The following KCTD17 variants were observed in gnomAD, a reference collection of about 807,000 sequenced individuals.
The protein encoded by KCTD17 is BTB/POZ domain-containing protein KCTD17.
Under a neutral mutation model 41.5 loss-of-function variants are expected in KCTD17, and 20 were observed. The ratio of observed to expected loss-of-function variants is 0.48; its 90% CI spans 0.34 to 0.70. KCTD17 has a LOEUF of 0.70. Among genes scored for constraint, KCTD17 ranks in the 30% least tolerant of loss-of-function variants. KCTD17 has a pLI of 0.01. For missense variants in KCTD17, 317 were observed against 427.2 expected (o/e 0.74, Z 2.27); for synonymous variants, 156 against 173.8 (o/e 0.90, Z 0.80).
intron 8 of KCTD17, 55 bp from the exon 9 acceptor site, chr22:37,062,470 C>A (rs1925906465): frequency 2.7e-6 from 4 of 1,486,474 alleles, no homozygotes; most frequent in Non-Finnish European, 3.6e-6. Context: ...CCCCTCCTTA[C>A]CGGCCCCACC....
intron 5 of KCTD17, 166 bp downstream of exon 5, chr22:37,059,604 C>G: frequency 2.5e-6 from 2 of 810,418 alleles, no homozygotes; most frequent in South Asian, 3.5e-5. Context: ...TGCCACCTGC[C>G]GTTACCCAGG....
intron 2 of KCTD17, among the ~76,000 whole-genome samples, chr22:37,054,187 G>A (rs918837793): frequency 6.6e-6 from 1 of 152,176 alleles, no homozygotes; most frequent in African/African-American, 2.4e-5. Context: ...GCCTGGCCCT[G>A]CAGAGCCCCA....
chr22:37,056,424 G>A lies in KCTD17; in HGVS notation c.390+13G>A, dbSNP rs532452879. The A allele has an allele frequency of 5.1e-5, 82 of 1,608,440 alleles. 1 individual carries two copies. In the South Asian group the frequency reaches 8.7e-4, roughly 17 times the overall value. On this transcript the variant is annotated intron_variant, in intron 3 of 8. Transcript: ENST00000403888. ...CACGGTCACCCAGGTCGGGAGCAGG[G>A]GCAGCACACACGGCCAGGGCAGGGG...
At chr22:37,059,581 G>A (rs1395500199) in intron 5 of KCTD17, 143 bp downstream of exon 5, 9 of 979,392 alleles carry the variant, frequency 9.2e-6, no homozygotes, top group Admixed American at 2.6e-5. Flanking sequence ...CACAGCCACC[G>A]CCATCCATCC....
chr22:37,061,179 C>T lies in KCTD17; in HGVS notation c.784+4C>T. 1 of 1,551,002 alleles carries T rather than the reference C, an allele frequency of 6.4e-7. No individual in the cohort carries two copies. The highest frequency in any genetic ancestry group is 8.7e-7 in the Non-Finnish European group (1 of 1,146,804). ...CCTCCTCCGCTTCCCGCTGGAGGTC[C>T]TGCCTCATCTTCATCCACCTCTTCT... On this transcript the variant is annotated splice_donor_region_variant and intron_variant, in intron 7 of 8. Coordinates refer to ENST00000403888, the MANE Select transcript of KCTD17 (RefSeq NM_001282684.2). This position sits in a 1 kb window ranked among gnomAD's most constrained non-coding sequence, Gnocchi z 6.6.
At chr22:37,062,112 C>A (rs1471213177) in intron 8 of KCTD17, 7 of 982,704 alleles carry the variant, frequency 7.1e-6, no homozygotes, top group African/African-American at 1.7e-5. Flanking sequence ...CTCTCTGGGC[C>A]ACAATTGCCT....
Position 37,051,901 on chromosome 22 carries a change from G to A in KCTD17, c.141G>A (p.Lys47=). ...TTRQTLCREQ[K]SFLSRLCQGE... ...GGCAGACGCTGTGCCGCGAGCAGAA[G>A]TCCTTCCTCAGCCGCCTGTGCCAGG... Residue 47 remains lysine (K), a synonymous_variant, in exon 1 of 9, where the codon AAG becomes AAA. Transcript: ENST00000403888. 6.6e-7 allele frequency: 1 copy of A among 1,506,244 alleles called. No individual in the cohort carries two copies. Among genetic ancestry groups the A allele is most frequent in the Non-Finnish European group, 8.9e-7 (1 of 1,128,146 alleles). The allele number at this position is 1,506,244 out of a possible 1,614,324, so 93.3% of individuals were successfully genotyped here. A position where few individuals can be genotyped will look rare whatever the true frequency, so the allele number is the denominator to read the frequency against.
In KCTD17 at chr22:37,059,406, G is replaced by T; in HGVS notation, c.580G>T (p.Gly194Trp). The T allele has an allele frequency of 6.2e-7, 1 of 1,611,888 alleles. No individual in the cohort carries two copies. The highest frequency in any genetic ancestry group is 8.5e-7 in the Non-Finnish European group (1 of 1,179,762). Residue 194 changes from glycine (G) to tryptophan (W), a missense_variant, in exon 5 of 9, where the codon GGG (glycine) becomes TGG (tryptophan). By Grantham distance (184) the Gly-to-Trp change is radical. Coordinates refer to ENST00000403888, the MANE Select transcript of KCTD17 (RefSeq NM_001282684.2). ...VSKELHSTPN[G>W]LSSESSRKTK... ...CAAGGAGCTCCACAGCACCCCAAAC[G>T]GGCTGAGCTCAGAGTCCAGCCGCAA...
chr22:37,057,572 T>C lies in KCTD17; in HGVS notation c.486+79T>C, dbSNP rs535714919. 2.7e-5 allele frequency: 31 copies of C among 1,131,814 alleles called. No individual in the cohort carries two copies. In the Admixed American group the frequency reaches 4.1e-4, roughly 15 times the overall value. 70.1% of individuals were successfully genotyped at this position (1,131,814 alleles called of 1,614,324 possible). ...CTGACCAAGCAGGCCCCTCCCTTCC[T>C]GCAGCCCCAGCCTTGGGTTCCCCAC... On this transcript the variant is annotated intron_variant, in intron 4 of 8. Transcript: ENST00000403888.
intron 3 of KCTD17, among the ~76,000 whole-genome samples, chr22:37,056,921 G>A (rs997009563): frequency 2.5e-4 from 38 of 152,040 alleles, no homozygotes; most frequent in African/African-American, 8.5e-4. Flanking sequence ...GAGATTTTCC[G>A]CCTACTCTGG....
intron 1 of KCTD17, chr22:37,052,493 G>A (rs1490422235): frequency 4.3e-6 from 2 of 462,960 alleles, no homozygotes; most frequent in Non-Finnish European, 8.8e-6. Context: ...TCCCTGCACT[G>A]CGCTCAGCCT....
rs1041688320 is a variant in KCTD17 at position 37,062,509 on chromosome 22, C to T, written c.876-16C>T. 1 of 1,611,990 alleles carries T rather than the reference C, an allele frequency of 6.2e-7. No homozygotes were observed. The highest frequency in any genetic ancestry group is 1.3e-5 in the African/African-American group (1 of 74,954). ...GCCCCTCCCATCCTCCTGCCCTTCC[C>T]CTCTTTTTTTTCTAGCTGTTACAAG... On this transcript the variant is annotated splice_polypyrimidine_tract_variant and intron_variant, in intron 8 of 8. Coordinates refer to ENST00000403888, the MANE Select transcript of KCTD17 (RefSeq NM_001282684.2).
chr22:37,056,484 G>A, intron 3 of KCTD17, 73 bp downstream of exon 3: 1 of 1,283,174 alleles, frequency 7.8e-7, no homozygotes, highest in Non-Finnish European at 1.1e-6. Flanking sequence ...GACGGGGCGG[G>A]AAGCAGAGGA....
intron 3 of KCTD17, 145 bp downstream of exon 3, chr22:37,056,556 C>G (rs1925139214): frequency 4.6e-6 from 3 of 648,972 alleles, no homozygotes; most frequent in Non-Finnish European, 8.0e-6. Flanking sequence ...TAAGGAGAGG[C>G]ATGGTTGGGC....
rs1225137409 is a variant in KCTD17, at chr22:37,061,009, G to T, written c.712+87G>T. ...GCTGGAGCCAGCTGCAGAACCGGGG[G>T]CCCCGGGGCTGCTGGGGGGGCACCA... On this transcript the variant is annotated intron_variant, in intron 6 of 8. Coordinates refer to ENST00000403888, the MANE Select transcript of KCTD17 (RefSeq NM_001282684.2). This position sits in a 1 kb window ranked among gnomAD's most constrained non-coding sequence, Gnocchi z 6.6. 2.6e-6 allele frequency: 4 copies of T among 1,546,842 alleles called. No individual in the cohort carries two copies. The highest frequency in any genetic ancestry group is 3.5e-6 in the Non-Finnish European group (4 of 1,143,688).
At position 37,062,915 on chromosome 22, in the gene KCTD17, G is replaced by A. The variant is rs1181541349; in HGVS notation, c.*321G>A. Reference sequence around the variant, plus strand: ...TTGCCTCCTTGAGCCTTAGTCCAGGGGGTCACTCCTCCCACCCCACCTACC... The same window carrying A: ...TTGCCTCCTTGAGCCTTAGTCCAGGAGGTCACTCCTCCCACCCCACCTACC... On this transcript the variant is annotated 3_prime_UTR_variant, in exon 9 of 9. Coordinates refer to ENST00000403888, the MANE Select transcript of KCTD17 (RefSeq NM_001282684.2). The A allele has an allele frequency of 2.6e-6, 1 of 390,662 alleles. No individual in the cohort carries two copies. Among genetic ancestry groups the A allele is most frequent in the Non-Finnish European group, 4.6e-6 (1 of 215,656 alleles). The allele number at this position is 390,662 out of a possible 1,614,324, so 24.2% of individuals were successfully genotyped here. A position where few individuals can be genotyped will look rare whatever the true frequency, so the allele number is the denominator to read the frequency against.
Position 37,063,173 on chromosome 22 carries a change from C to A in KCTD17, c.*579C>A, listed in dbSNP as rs1343687164. 1.3e-5 allele frequency: 2 copies of A among 152,810 alleles called. No homozygotes were observed. Among genetic ancestry groups the A allele is most frequent in the African/African-American group, 4.8e-5 (2 of 41,440 alleles). 9.5% of individuals were successfully genotyped at this position (152,810 alleles called of 1,614,324 possible). ...GGCCTTCTCTTTGGTGATCCCACCCCCAGCCATTTGCATTGCTGGCCCAGC... is the reference window on the plus strand; with the variant it reads ...GGCCTTCTCTTTGGTGATCCCACCCACAGCCATTTGCATTGCTGGCCCAGC... On this transcript the variant is annotated 3_prime_UTR_variant, in exon 9 of 9. Coordinates refer to ENST00000403888, the MANE Select transcript of KCTD17 (RefSeq NM_001282684.2). This position sits in a 1 kb window ranked among gnomAD's most constrained non-coding sequence, Gnocchi z 4.6.
intron 3 of KCTD17, among the ~76,000 whole-genome samples, chr22:37,056,781 T>C (rs1925172377): frequency 6.6e-6 from 1 of 152,064 alleles, no homozygotes; most frequent in Admixed American, 6.5e-5. Flanking sequence ...CAGAGGAAAA[T>C]GCAGGATTAG....
intron 1 of KCTD17, chr22:37,052,737 C>G (rs997924415): frequency 4.2e-5 from 19 of 448,508 alleles, no homozygotes; most frequent in Non-Finnish European, 4.5e-6. Context: ...GCCTAGGGAC[C>G]TGGGGGCGAC....
Sources: gnomAD v4.1 joint callset for allele counts (sites outside exome capture counted in the v4.1 genomes callset) on GRCh38, gnomAD v4.1.1 for gene constraint, Gnocchi (gnomAD v3.1) non-coding constraint, MANE v1.5 for transcripts, NCBI Gene and HGNC (gene_info 2026-07-23, HGNC 2026-07-21) for gene names.